The following ST6GAL1 variants were observed in gnomAD, a reference collection of about 807,000 sequenced individuals.
ST6GAL1 encodes beta-galactoside alpha-2,6-sialyltransferase 1.
In ST6GAL1, 20 loss-of-function variants were observed where a neutral mutation model predicts 38.0. The ratio of observed to expected loss-of-function variants is 0.53; its 90% CI spans 0.37 to 0.77. The LOEUF is 0.77. ST6GAL1 is among the 30% of genes least tolerant of loss of function. ST6GAL1 has a pLI of 0.00. For missense variants in ST6GAL1, 432 were observed against 496.4 expected (o/e 0.87, Z 1.23); for synonymous variants, 196 against 188.2 (o/e 1.04, Z -0.34).
intron 5 of ST6GAL1, among the ~76,000 whole-genome samples, chr3:187,062,606 A>ACACACACACACACACAC (rs1553835854): frequency 5.3e-5 from 8 of 150,884 alleles, no homozygotes; most frequent in South Asian, 2.1e-4. Flanking sequence ...ACACACACAC[A>ACACACACACACACACAC]AAATACTATA....
At chr3:186,942,586 G>A (rs1271388116) in intron 1 of ST6GAL1, among the ~76,000 whole-genome samples, 2 of 152,116 alleles carry the variant, frequency 1.3e-5, no homozygotes, top group Non-Finnish European at 2.9e-5. Context: ...GGCACCCACC[G>A]TGTTTAAGGC....
chr3:187,048,880 A>ATTTTTTTTTTTTTTTTTTTTTTT (rs374148828), intron 4 of ST6GAL1, among the ~76,000 whole-genome samples: 5 of 115,448 alleles, frequency 4.3e-5, no homozygotes, highest in African/African-American at 1.9e-4. Flanking sequence ...GAGAAATTGA[A>ATTTTTTTTTTTTTTTTTTTTTTT]TTTTTTTTTT....
At position 186,952,823 on chromosome 3, in the gene ST6GAL1, A is replaced by G. The variant is rs955525617; in HGVS notation, c.-324-10962A>G. Reference sequence around the variant, plus strand: ...TGACAAGTTTCCTTAGACATCTAATATACATCTCAAATATGACAAGCCCAA... The same window carrying G: ...TGACAAGTTTCCTTAGACATCTAATGTACATCTCAAATATGACAAGCCCAA... On this transcript the variant is annotated intron_variant, in intron 1 of 7. Coordinates refer to ENST00000169298, the MANE Select transcript of ST6GAL1 (RefSeq NM_173216.2). The surrounding 1 kb of genome is among the most constrained non-coding windows in gnomAD (Gnocchi z 4.1). Among the ~76,000 whole-genome samples, 1 of 152,194 alleles carries G rather than the reference A, an allele frequency of 6.6e-6. No individual in the cohort carries two copies. The highest frequency in any genetic ancestry group is 1.5e-5 in the Non-Finnish European group (1 of 68,032).
At chr3:186,933,823 C>T (rs1044344401) in intron 1 of ST6GAL1, among the ~76,000 whole-genome samples, 2 of 152,168 alleles carry the variant, frequency 1.3e-5, no homozygotes, top group East Asian at 1.9e-4. Context: ...TAACAACACC[C>T]TTTAAGTCAG....
intron 5 of ST6GAL1, among the ~76,000 whole-genome samples, chr3:187,059,707 A>G (rs1360087963): frequency 1.3e-5 from 2 of 152,250 alleles, no homozygotes; most frequent in Non-Finnish European, 2.9e-5. Context: ...AGCACTTAGA[A>G]CAATACCTGG....
intron 5 of ST6GAL1, among the ~76,000 whole-genome samples, chr3:187,055,694 TTTA>T: frequency 6.6e-6 from 1 of 152,314 alleles, no homozygotes; most frequent in East Asian, 1.9e-4. Flanking sequence ...TTTCTCTTCT[TTTA>T]TGTTTGCTGA....
At chr3:186,959,892 A>G (rs1221120951) in intron 1 of ST6GAL1, among the ~76,000 whole-genome samples, 2 of 152,230 alleles carry the variant, frequency 1.3e-5, no homozygotes, top group Non-Finnish European at 2.9e-5. Context: ...CAGGGTTAAA[A>G]GGGTTATCTC....
At chr3:187,041,524 T>C (rs1405737359) in intron 3 of ST6GAL1, among the ~76,000 whole-genome samples, 1 of 152,232 alleles carries the variant, frequency 6.6e-6, no homozygotes, top group East Asian at 1.9e-4. Context: ...ACAAAGTAGG[T>C]GTTTACTCAG....
rs181895973 is a variant in ST6GAL1 at position 187,018,432 on chromosome 3, G to A, written c.-182-20310G>A. Among the ~76,000 whole-genome samples the A allele has an allele frequency of 2.0e-5, 3 of 152,216 alleles. No homozygotes were observed. In the East Asian group the frequency reaches 5.8e-4, roughly 29 times the overall value. On this transcript the variant is annotated intron_variant, in intron 2 of 7. Transcript: ENST00000169298. Reference sequence around the variant, plus strand: ...AGGAGTATTGACTCACACGGTCATGGAACTATGTGAGGTCCCACATAGTCC... The same window carrying A: ...AGGAGTATTGACTCACACGGTCATGAAACTATGTGAGGTCCCACATAGTCC...
At chr3:187,011,518 C>T (rs2108558912) in intron 2 of ST6GAL1, among the ~76,000 whole-genome samples, 1 of 152,258 alleles carries the variant, frequency 6.6e-6, no homozygotes. Context: ...AATGGTCATT[C>T]TGAAAATGGT....
chr3:187,014,394 T>C (rs920615383), intron 2 of ST6GAL1, among the ~76,000 whole-genome samples: 1 of 152,246 alleles, frequency 6.6e-6, no homozygotes, highest in African/African-American at 2.4e-5. Context: ...GCCCACCGTT[T>C]TGAGCTCCCA....
intron 5 of ST6GAL1, chr3:187,064,384 A>G: frequency 2.5e-6 from 1 of 393,300 alleles, no homozygotes; most frequent in South Asian, 1.9e-5. Flanking sequence ...CAGTAGGCAC[A>G]TGTATTAGTT....
intron 2 of ST6GAL1, among the ~76,000 whole-genome samples, chr3:187,000,395 CA>C (rs370577965): frequency 0.12 from 14,261 of 123,436 alleles, 836 homozygotes; most frequent in South Asian, 0.17. Context: ...ACTAAAAATA[CA>C]AAAAAAAAAA....
intron 2 of ST6GAL1, among the ~76,000 whole-genome samples, chr3:187,028,061 A>T (rs74433704): frequency 0.063 from 9,554 of 152,146 alleles, 310 homozygotes; most frequent in Middle Eastern, 0.12. Flanking sequence ...GTTCATGGAG[A>T]TGGGGAGGCC....
intron 5 of ST6GAL1, among the ~76,000 whole-genome samples, chr3:187,069,679 T>G (rs1287021231): frequency 6.6e-6 from 1 of 152,204 alleles, no homozygotes; most frequent in Non-Finnish European, 1.5e-5. Context: ...TTAAAACCCT[T>G]TCCTGGTCCC....
rs79968519 is a variant in ST6GAL1 at position 187,051,511 on chromosome 3, A to T, written c.705+165A>T. On this transcript the variant is annotated intron_variant, in intron 5 of 7. Transcript: ENST00000169298. ...AAGAAGACAATGATTCCATGACCCA[A>T]CCTGATGATGTGTTTATTTAAAGAA... 3,869 of 617,558 alleles carry T rather than the reference A, an allele frequency of 6.3e-3. 129 individuals carry two copies. The African/African-American group carries it at 0.065, about 10-fold the overall frequency. The allele number at this position is 617,558 out of a possible 1,614,324, so 38.3% of individuals were successfully genotyped here. A position where few individuals can be genotyped will look rare whatever the true frequency, so the allele number is the denominator to read the frequency against.
intron 2 of ST6GAL1, among the ~76,000 whole-genome samples, chr3:187,027,641 G>A (rs1357018127): frequency 6.6e-6 from 1 of 152,000 alleles, no homozygotes. Context: ...ATTTTCAAAG[G>A]CTTCCTTTCT....
intron 4 of ST6GAL1, among the ~76,000 whole-genome samples, chr3:187,045,134 A>G (rs1281612760): frequency 1.3e-5 from 2 of 152,194 alleles, no homozygotes; most frequent in East Asian, 1.9e-4. Flanking sequence ...CTTCCCAACT[A>G]CTGGATGGAT....
chr3:186,937,942 C>T (rs574627191), intron 1 of ST6GAL1, among the ~76,000 whole-genome samples: 25 of 152,178 alleles, frequency 1.6e-4, no homozygotes, highest in African/African-American at 5.1e-4. Flanking sequence ...GGCGTGGTGG[C>T]GGGTGCCTAT....
Sources: allele counts gnomAD v4.1 joint callset (sites outside exome capture counted in the v4.1 genomes callset), GRCh38; gene constraint gnomAD v4.1.1; non-coding constraint Gnocchi (gnomAD v3.1); transcripts MANE v1.5; gene names NCBI Gene and HGNC (gene_info 2026-07-23, HGNC 2026-07-21).